Variants in C1orf185 observed in about 807,000 individuals in gnomAD.
C1orf185 encodes chromosome 1 open reading frame 185.
C1orf185 carries 13 observed loss-of-function variants against 16.1 expected under a neutral mutation model. The observed-to-expected ratio is 0.81, with a 90% CI of 0.53 to 1.28. The LOEUF (loss-of-function observed/expected upper bound fraction) is 1.28. Among genes scored for constraint, C1orf185 ranks in the 50% most tolerant of loss-of-function variants. The pLI, the probability that C1orf185 is intolerant of heterozygous loss-of-function variation, is 0.00. For missense variants in C1orf185, 220 were observed against 225.2 expected (o/e 0.98, Z 0.15); for synonymous variants, 80 against 76.9 (o/e 1.04, Z -0.21).
At chr1:51,130,963 C>T (rs139704070) in intron 3 of C1orf185, among the ~76,000 whole-genome samples, 1,934 of 152,250 alleles carry the variant, frequency 0.013, 38 homozygotes, top group African/African-American at 0.043. Context: ...AGTGCAGCGG[C>T]GCTATCTTGG....
intron 2 of C1orf185, among the ~76,000 whole-genome samples, chr1:51,118,052 T>C (rs1032858382): frequency 3.3e-5 from 5 of 152,304 alleles, no homozygotes; most frequent in African/African-American, 1.2e-4. Flanking sequence ...TAGCTGGGAT[T>C]ACAGGCATGT....
rs754923183 is a variant in C1orf185, at chr1:51,112,566, G to C, written c.119G>C (p.Arg40Pro). The C allele has an allele frequency of 3.2e-6, 5 of 1,542,854 alleles. No individual in the cohort carries two copies. The highest frequency in any genetic ancestry group is 3.5e-6 in the Non-Finnish European group (4 of 1,142,734). ...GCTTTGTGGTTCCTGATTTGCAAAC[G>C]AAGGTAAGGATTATTCGAATATTTC... is the stretch of plus-strand genomic sequence containing the variant. ...ASALWFLICK[R>P]REIFQNSKFK... Residue 40 changes from arginine to proline, a missense_variant, in exon 2 of 5, where the codon CGA becomes CCA. Arg to Pro is a moderately radical substitution (Grantham distance 103). Transcript: ENST00000371759.
downstream of C1orf185, among the ~76,000 whole-genome samples, chr1:51,149,293 A>C (rs192505584): frequency 2.0e-5 from 3 of 152,268 alleles, no homozygotes; most frequent in East Asian, 5.8e-4. Flanking sequence ...CCTACAATAA[A>C]TGCAATGAAC....
chr1:51,138,520 G>A (rs1188686430), intron 3 of C1orf185, among the ~76,000 whole-genome samples: 1 of 150,494 alleles, frequency 6.6e-6, no homozygotes, highest in Non-Finnish European at 1.5e-5. Context: ...AGCCTCCTGA[G>A]TAGCTGGGAC....
At chr1:51,146,677 A>G (rs1449246355) in intron 4 of C1orf185, among the ~76,000 whole-genome samples, 2 of 152,102 alleles carry the variant, frequency 1.3e-5, no homozygotes, top group Non-Finnish European at 1.5e-5. Context: ...GCTAAAATCT[A>G]TTTTGTATCT....
downstream of C1orf185, among the ~76,000 whole-genome samples, chr1:51,149,886 G>A (rs1255983262): frequency 6.6e-6 from 1 of 152,178 alleles, no homozygotes; most frequent in Non-Finnish European, 1.5e-5. Flanking sequence ...CCTACTCTTG[G>A]CTTGGTAAGG....
At chr1:51,145,616 A>G in intron 3 of C1orf185, 108 bp from the exon 4 acceptor site, 1 of 537,852 alleles carries the variant, frequency 1.9e-6, no homozygotes, top group East Asian at 4.1e-5. Flanking sequence ...AACATTTTCC[A>G]TTAAAAAATT....
chr1:51,118,780 T>C lies in C1orf185; in HGVS notation c.237T>C (p.His79=). The C allele has an allele frequency of 6.8e-7, 1 of 1,463,580 alleles. No homozygotes were observed. The highest frequency in any genetic ancestry group is 1.5e-5 in the South Asian group (1 of 67,492). 90.7% of individuals were successfully genotyped at this position (1,463,580 alleles called of 1,614,324 possible). A position where few individuals can be genotyped will look rare whatever the true frequency, so the allele number is the denominator to read the frequency against. ...GTGTTTTTATTTCTCGAAATTTTCA[T>C]ACTGGGAGATTCCAATTACAGGTAG... ...SQCVFISRNF[H]TGRFQLQEEQ... The change falls in exon 3 of 5, where the codon CAT becomes CAC. Residue 79 remains histidine, a synonymous_variant. Transcript: ENST00000371759.
Position 51,118,700 on chromosome 1 carries a change from G to T in C1orf185, c.157G>T (p.Asp53Tyr). ...TCAAAATTCCAAATTTAAAGCAATT[G>T]ATGAGAGATGCAGGCAAAGACCATC... is the stretch of plus-strand genomic sequence containing the variant. ...IFQNSKFKAI[D>Y]ERCRQRPSMA... Residue 53 changes from aspartate to tyrosine, a missense_variant, in exon 3 of 5, where the codon GAT (aspartate) becomes TAT (tyrosine). Transcript: ENST00000371759. 1 of 1,449,564 alleles carries T rather than the reference G, an allele frequency of 6.9e-7. No individual in the cohort carries two copies. Among genetic ancestry groups the T allele is most frequent in the South Asian group, 1.5e-5 (1 of 65,454 alleles). 89.8% of individuals were successfully genotyped at this position (1,449,564 alleles called of 1,614,324 possible). A position where few individuals can be genotyped will look rare whatever the true frequency, so the allele number is the denominator to read the frequency against.
intron 4 of C1orf185, 81 bp downstream of exon 4, chr1:51,145,841 T>C: frequency 1.5e-6 from 1 of 682,864 alleles, no homozygotes; most frequent in Non-Finnish European, 2.2e-6. Flanking sequence ...GAGGCTATCC[T>C]AAATGTCATC....
downstream of C1orf185, among the ~76,000 whole-genome samples, chr1:51,152,084 A>T (rs1209045779): frequency 6.6e-6 from 1 of 152,192 alleles, no homozygotes; most frequent in Non-Finnish European, 1.5e-5. Context: ...CCTCCCAAGT[A>T]GCTGGGACTA....
At chr1:51,126,668 A>T (rs961392584) in intron 3 of C1orf185, among the ~76,000 whole-genome samples, 1 of 152,218 alleles carries the variant, frequency 6.6e-6, no homozygotes, top group African/African-American at 2.4e-5. Context: ...ATAATATAAA[A>T]TTTTCCTATA....
downstream of C1orf185, among the ~76,000 whole-genome samples, chr1:51,149,126 C>T (rs140411675): frequency 9.7e-4 from 147 of 151,796 alleles, no homozygotes; most frequent in African/African-American, 3.4e-3. Context: ...CTGACACTCG[C>T]TATGTAATCT....
At chr1:51,128,864 T>G (rs1646261481) in intron 3 of C1orf185, among the ~76,000 whole-genome samples, 1 of 152,030 alleles carries the variant, frequency 6.6e-6, no homozygotes, top group African/African-American at 2.4e-5. Flanking sequence ...TTGTTTGCTT[T>G]TTTTGCTTTT....
At chr1:51,107,982 A>G (rs1038624383) in intron 1 of C1orf185, among the ~76,000 whole-genome samples, 2 of 152,220 alleles carry the variant, frequency 1.3e-5, no homozygotes, top group African/African-American at 4.8e-5. Context: ...GTGAACACAC[A>G]TATGCTCCTC....
At chr1:51,116,300 T>C (rs185909533) in intron 2 of C1orf185, among the ~76,000 whole-genome samples, 1 of 150,776 alleles carries the variant, frequency 6.6e-6, no homozygotes, top group African/African-American at 2.4e-5. Flanking sequence ...GCAAATCTGA[T>C]CAAGTCACCC....
At chr1:51,108,466 T>G (rs1646089789) in intron 1 of C1orf185, among the ~76,000 whole-genome samples, 3 of 152,180 alleles carry the variant, frequency 2.0e-5, no homozygotes, top group Admixed American at 6.5e-5. Flanking sequence ...TATTTTGAAA[T>G]ATATAATACA....
chr1:51,112,902 C>A (rs1472137099), intron 2 of C1orf185, among the ~76,000 whole-genome samples: 1 of 151,664 alleles, frequency 6.6e-6, no homozygotes, highest in African/African-American at 2.4e-5. Flanking sequence ...TCACTGCAAA[C>A]TCCACCTCCT....
At chr1:51,103,602 C>T (rs1203834909) in intron 1 of C1orf185, among the ~76,000 whole-genome samples, 7 of 149,628 alleles carry the variant, frequency 4.7e-5, no homozygotes, top group Admixed American at 1.3e-4. Flanking sequence ...GGCGCAATCT[C>T]GGCTCACTGC....
Sources: gnomAD v4.1 joint callset for allele counts (sites outside exome capture counted in the v4.1 genomes callset) on GRCh38, gnomAD v4.1.1 for gene constraint, MANE v1.5 for transcripts, NCBI Gene and HGNC (gene_info 2026-07-23, HGNC 2026-07-21) for gene names.